Variants in PDE1C observed in about 807,000 individuals in gnomAD.
PDE1C encodes the protein phosphodiesterase 1C, also known as dual specificity calcium/calmodulin-dependent 3',5'-cyclic nucleotide phosphodiesterase 1C.
In PDE1C, 62 loss-of-function variants were observed where a neutral mutation model predicts 93.1. That is an observed-to-expected ratio of 0.67 (90% CI 0.54 to 0.82). The LOEUF (loss-of-function observed/expected upper bound fraction) is 0.82. Ranked by LOEUF, PDE1C falls within the 40% of genes least tolerant of loss-of-function variation. The pLI is 0.00. For missense variants in PDE1C, 742 were observed against 884.6 expected (o/e 0.84, Z 2.04); for synonymous variants, 325 against 310.1 (o/e 1.05, Z -0.50).
chr7:32,215,489 T>C (rs1339324208), intron 1 of PDE1C, among the ~76,000 whole-genome samples: 1 of 152,116 alleles, frequency 6.6e-6, no homozygotes, highest in Non-Finnish European at 1.5e-5. Context: ...GTGTTTGCTG[T>C]AGGTTTTCCC....
At chr7:32,392,223 GA>G (rs1562704205) in intron 1 of PDE1C, among the ~76,000 whole-genome samples, 1 of 152,000 alleles carries the variant, frequency 6.6e-6, no homozygotes, top group Non-Finnish European at 1.5e-5. Context: ...TAACTTAGAC[GA>G]AATGAAGAAA....
At chr7:32,401,656 C>T (rs889750629) in intron 1 of PDE1C, among the ~76,000 whole-genome samples, 4 of 152,138 alleles carry the variant, frequency 2.6e-5, no homozygotes, top group African/African-American at 9.7e-5. Context: ...CCTGGGCTTC[C>T]CTGATGTATG....
chr7:31,834,562 T>C (rs572436195), intron 11 of PDE1C, among the ~76,000 whole-genome samples: 117 of 152,144 alleles, frequency 7.7e-4, no homozygotes, highest in African/African-American at 2.6e-3. Flanking sequence ...GCTTTAAGAT[T>C]TGACTGCCAT....
chr7:31,739,907 A>G, the PDE1C span, among the ~76,000 whole-genome samples: 3 of 152,232 alleles, frequency 2.0e-5, no homozygotes, highest in Non-Finnish European at 4.4e-5. Flanking sequence ...CAGAGGGCAC[A>G]TTGACGTAGA....
At chr7:32,084,031 G>T (rs964338782) in intron 3 of PDE1C, among the ~76,000 whole-genome samples, 1 of 151,596 alleles carries the variant, frequency 6.6e-6, no homozygotes, top group African/African-American at 2.4e-5. Flanking sequence ...TGGACTAAAT[G>T]CTCCAATTAA....
the PDE1C span, among the ~76,000 whole-genome samples, chr7:31,656,911 T>A: frequency 6.6e-6 from 1 of 151,604 alleles, no homozygotes; most frequent in Non-Finnish European, 1.5e-5. Context: ...GGACCTTTGC[T>A]GTCTTCAGTG....
intron 16 of PDE1C, chr7:31,790,249 C>T: frequency 1.2e-6 from 2 of 1,612,610 alleles, no homozygotes; most frequent in South Asian, 1.1e-5. Flanking sequence ...GTCTTTTTTA[C>T]TCTTGTGAAT....
chr7:31,959,563 C>G (rs1036248060), intron 2 of PDE1C, among the ~76,000 whole-genome samples: 2 of 152,094 alleles, frequency 1.3e-5, no homozygotes, highest in Admixed American at 1.3e-4. Flanking sequence ...TAATCCAATC[C>G]AGAAGAAAAG....
At chr7:31,804,256 T>C (rs78022464) in intron 16 of PDE1C, among the ~76,000 whole-genome samples, 11,610 of 151,948 alleles carry the variant, frequency 0.076, 469 homozygotes, top group South Asian at 0.13. Context: ...CAGCTTATTA[T>C]TCCCCATGAC....
At chr7:32,310,456 T>C (rs1213858432) in intron 1 of PDE1C, among the ~76,000 whole-genome samples, 1 of 152,226 alleles carries the variant, frequency 6.6e-6, no homozygotes, top group Non-Finnish European at 1.5e-5. Flanking sequence ...TACATTTTTT[T>C]CAGCACTACA....
chr7:31,846,265 T>C (rs1487306762), intron 9 of PDE1C, among the ~76,000 whole-genome samples: 1 of 147,650 alleles, frequency 6.8e-6, no homozygotes, highest in Non-Finnish European at 1.5e-5. Flanking sequence ...GGAGTCTCGC[T>C]CTGTCACCCA....
intron 1 of PDE1C, among the ~76,000 whole-genome samples, chr7:32,272,075 C>G (rs1278508440): frequency 6.6e-6 from 1 of 152,240 alleles, no homozygotes; most frequent in African/African-American, 2.4e-5. Context: ...AGCTCATTAA[C>G]TTGGGTCGGT....
chr7:31,888,610 T>C (rs935768693), intron 2 of PDE1C, among the ~76,000 whole-genome samples: 1 of 151,968 alleles, frequency 6.6e-6, no homozygotes, highest in Non-Finnish European at 1.5e-5. Context: ...CATTTAAAAA[T>C]TTAGATGAAA....
At chr7:31,883,395 T>C (rs138849737) in intron 2 of PDE1C, among the ~76,000 whole-genome samples, 49 of 152,248 alleles carry the variant, frequency 3.2e-4, no homozygotes, top group African/African-American at 1.1e-3. Flanking sequence ...ACAAGTAATT[T>C]AAAAAGATTC....
At chr7:31,632,229 A>G in the PDE1C span, among the ~76,000 whole-genome samples, 6 of 152,108 alleles carry the variant, frequency 3.9e-5, no homozygotes, top group African/African-American at 1.4e-4. Flanking sequence ...CAGGTGGATC[A>G]TGAGGTCAGG....
At chr7:32,040,239 T>C (rs1563235013) in intron 2 of PDE1C, among the ~76,000 whole-genome samples, 3 of 152,226 alleles carry the variant, frequency 2.0e-5, no homozygotes, top group Non-Finnish European at 4.4e-5. Context: ...CTTTATCTCT[T>C]TTAACCCTTA....
intron 16 of PDE1C, among the ~76,000 whole-genome samples, chr7:31,783,251 C>A (rs1358457061): frequency 6.6e-6 from 1 of 152,278 alleles, no homozygotes; most frequent in South Asian, 2.1e-4. Flanking sequence ...GCTGAGATTT[C>A]TTATGCCTCT....
intron 7 of PDE1C, among the ~76,000 whole-genome samples, chr7:31,851,069 C>CAT (rs1562919458): frequency 1.1e-4 from 4 of 35,326 alleles, no homozygotes; most frequent in Non-Finnish European, 2.4e-4. Context: ...TAGACACACA[C>CAT]ACACACACAC....
chr7:32,178,428 C>T (rs1019427740), intron 2 of PDE1C, among the ~76,000 whole-genome samples: 2 of 152,202 alleles, frequency 1.3e-5, no homozygotes, highest in Non-Finnish European at 2.9e-5. Flanking sequence ...ATAAAAACTC[C>T]CCTTCTCTGA....
Sources: allele counts gnomAD v4.1 joint callset (sites outside exome capture counted in the v4.1 genomes callset), GRCh38; gene constraint gnomAD v4.1.1; transcripts MANE v1.5; gene names NCBI Gene and HGNC (gene_info 2026-07-23, HGNC 2026-07-21).